Variants in CNBD1 observed in about 807,000 individuals in gnomAD.
The protein encoded by CNBD1 is cyclic nucleotide binding domain containing 1.
In CNBD1, 71 loss-of-function variants were observed where a neutral mutation model predicts 54.4. That is an observed-to-expected ratio of 1.30 (90% CI 1.08 to 1.59). The LOEUF (loss-of-function observed/expected upper bound fraction) is 1.59. CNBD1 is among the 40% of genes most tolerant of loss of function. The pLI, the probability that CNBD1 is intolerant of heterozygous loss-of-function variation, is 0.00. For synonymous variants in CNBD1, 182 were observed against 170.7 expected, an observed-to-expected ratio of 1.07 and a Z score of -0.51; for missense variants, 659 against 518.0, an observed-to-expected ratio of 1.27 and a Z score of -2.64.
intron 8 of CNBD1, among the ~76,000 whole-genome samples, chr8:87,323,941 G>T (rs1017625580): frequency 1.4e-5 from 2 of 138,618 alleles, no homozygotes; most frequent in Non-Finnish European, 1.6e-5. Flanking sequence ...CTGTGGGTTT[G>T]CCATAGATAG....
chr8:86,961,042 T>G (rs1358387829), intron 4 of CNBD1, among the ~76,000 whole-genome samples: 1 of 152,256 alleles, frequency 6.6e-6, no homozygotes, highest in Non-Finnish European at 1.5e-5. Flanking sequence ...ATGTCTACAT[T>G]TTGAAGACAT....
chr8:87,339,014 T>C (rs762590669), intron 8 of CNBD1, among the ~76,000 whole-genome samples: 11 of 152,140 alleles, frequency 7.2e-5, no homozygotes, highest in Non-Finnish European at 1.0e-4. Flanking sequence ...AGGCCTAAAA[T>C]GGGCTACAGT....
chr8:87,321,856 G>T (rs1809543570), intron 8 of CNBD1, among the ~76,000 whole-genome samples: 2 of 148,570 alleles, frequency 1.3e-5, no homozygotes, highest in South Asian at 2.1e-4. Flanking sequence ...ACATTGTGCA[G>T]GTTAGTTACA....
rs575321990 is a variant in CNBD1 at position 87,207,410 on chromosome 8, T to C, written c.577+1272T>C. On this transcript the variant is annotated intron_variant, in intron 5 of 10. Transcript: ENST00000518476. ...GAGTAAATAGAATAATTGCAAATTA[T>C]ATTAATAACACATTTATGAAAAAAT... 2.6e-5 allele frequency among the ~76,000 whole-genome samples: 4 copies of C among 152,134 alleles called. No homozygotes were observed. The East Asian group carries it at 7.7e-4, about 29-fold the overall frequency.
At chr8:87,346,427 AT>A (rs1196498259) in intron 8 of CNBD1, among the ~76,000 whole-genome samples, 1 of 151,748 alleles carries the variant, frequency 6.6e-6, no homozygotes, top group Non-Finnish European at 1.5e-5. Flanking sequence ...TATTAATTAT[AT>A]TTTTTCTAAA....
intron 4 of CNBD1, among the ~76,000 whole-genome samples, chr8:87,060,648 A>C (rs1045542453): frequency 4.6e-5 from 7 of 152,198 alleles, no homozygotes; most frequent in African/African-American, 1.4e-4. Context: ...ATCTTAGTCC[A>C]TTCTAAGCTT....
chr8:87,289,984 G>A (rs1808758323), intron 8 of CNBD1, among the ~76,000 whole-genome samples: 1 of 151,962 alleles, frequency 6.6e-6, no homozygotes, highest in Admixed American at 6.6e-5. Context: ...ATATTTTCTA[G>A]TGTAGCATAT....
intron 4 of CNBD1, among the ~76,000 whole-genome samples, chr8:87,124,109 T>C (rs1811946845): frequency 6.6e-6 from 1 of 151,662 alleles, no homozygotes; most frequent in Non-Finnish European, 1.5e-5. Context: ...ATGGAGGGAA[T>C]ACTTCTAAAT....
intron 4 of CNBD1, among the ~76,000 whole-genome samples, chr8:87,017,591 C>A (rs1454352081): frequency 1.3e-5 from 2 of 152,154 alleles, no homozygotes; most frequent in Non-Finnish European, 2.9e-5. Context: ...CAAAAAGCCT[C>A]TTTTCTAAAA....
At chr8:87,135,382 C>T (rs1563481912) in intron 4 of CNBD1, among the ~76,000 whole-genome samples, 1 of 151,274 alleles carries the variant, frequency 6.6e-6, no homozygotes, top group Admixed American at 6.6e-5. Context: ...AAAAATAAAC[C>T]TCAAAGTAAT....
At chr8:87,412,354 A>T (rs1468499968) in intron 2 of CNBD1, among the ~76,000 whole-genome samples, 1 of 152,132 alleles carries the variant, frequency 6.6e-6, no homozygotes, top group African/African-American at 2.4e-5. Context: ...ACAGAACAGT[A>T]ATACTATGTC....
intron 8 of CNBD1, among the ~76,000 whole-genome samples, chr8:87,317,027 T>C (rs1257111391): frequency 6.6e-6 from 1 of 151,836 alleles, no homozygotes; most frequent in Non-Finnish European, 1.5e-5. Flanking sequence ...GGTCTCATTT[T>C]TCTTCTTTGT....
intron 10 of CNBD1, among the ~76,000 whole-genome samples, chr8:87,380,730 C>A (rs1811056281): frequency 6.6e-6 from 1 of 151,808 alleles, no homozygotes. Flanking sequence ...AGTCTTTTAC[C>A]TCCTTAGCTA....
intron 6 of CNBD1, among the ~76,000 whole-genome samples, chr8:87,251,939 G>C (rs539975223): frequency 6.6e-6 from 1 of 151,896 alleles, no homozygotes; most frequent in South Asian, 2.1e-4. Flanking sequence ...ATGCTTATAG[G>C]TAGATTTGAA....
intron 10 of CNBD1, among the ~76,000 whole-genome samples, chr8:87,355,076 G>T (rs1810395071): frequency 6.6e-6 from 1 of 152,192 alleles, no homozygotes; most frequent in South Asian, 2.1e-4. Flanking sequence ...ACTGCTGGAT[G>T]AGTTTTTTAA....
intron 2 of CNBD1, among the ~76,000 whole-genome samples, chr8:87,418,125 A>G (rs1807865848): frequency 1.3e-5 from 2 of 151,946 alleles, no homozygotes; most frequent in Non-Finnish European, 2.9e-5. Flanking sequence ...TGACACAAAG[A>G]GCACGCACAC....
At chr8:87,145,433 A>G (rs1400363547) in intron 4 of CNBD1, among the ~76,000 whole-genome samples, 2 of 152,194 alleles carry the variant, frequency 1.3e-5, no homozygotes, top group African/African-American at 4.8e-5. Context: ...TAAAATACGT[A>G]TTTTGGAAAG....
At chr8:87,280,976 CA>C (rs1223696817) in intron 6 of CNBD1, among the ~76,000 whole-genome samples, 1 of 137,300 alleles carries the variant, frequency 7.3e-6, no homozygotes, top group African/African-American at 2.9e-5. Flanking sequence ...ATGATATTTT[CA>C]AAAAAATTGA....
chr8:86,900,734 A>G (rs1808919616), intron 2 of CNBD1, among the ~76,000 whole-genome samples: 2 of 152,180 alleles, frequency 1.3e-5, no homozygotes. Context: ...TCAGTTTTAT[A>G]TGCAAATCAG....
Sources: gnomAD v4.1 joint callset for allele counts (sites outside exome capture counted in the v4.1 genomes callset) on GRCh38, gnomAD v4.1.1 for gene constraint, MANE v1.5 for transcripts, NCBI Gene and HGNC (gene_info 2026-07-23, HGNC 2026-07-21) for gene names.